RAPGEF5: variants seen among roughly 807,000 people sequenced by gnomAD.
RAPGEF5 encodes M-Ras-regulated GEF.
Under a neutral mutation model 125.2 loss-of-function variants are expected in RAPGEF5, and 65 were observed. The observed-to-expected ratio is 0.52, with a 90% confidence interval of 0.43 to 0.64. RAPGEF5 has a LOEUF of 0.64. RAPGEF5 is among the 30% of genes least tolerant of loss of function. RAPGEF5 has a pLI of 0.00. For synonymous variants in RAPGEF5, 391 were observed against 385.9 expected (o/e 1.01, Z -0.16); for missense variants, 958 against 1,048.1 (o/e 0.91, Z 1.19).
intron 1 of RAPGEF5, chr7:22,356,409 A>C: frequency 4.8e-6 from 1 of 206,486 alleles, no homozygotes. Context: ...GCACCTCCAA[A>C]ACAAGCACAC....
At chr7:22,167,176 G>A (rs1229972287) in intron 11 of RAPGEF5, 28 bp from the exon 12 acceptor site, 3 of 1,561,314 alleles carry the variant, frequency 1.9e-6, no homozygotes, top group East Asian at 4.5e-5. Context: ...ACAAACACAA[G>A]GTAAGCAAAG....
chr7:22,180,714 A>C (rs1403366368), intron 11 of RAPGEF5, among the ~76,000 whole-genome samples: 1 of 152,152 alleles, frequency 6.6e-6, no homozygotes, highest in South Asian at 2.1e-4. Context: ...CTGCAATATG[A>C]TATGGTTCTC....
chr7:22,145,350 G>T, intron 19 of RAPGEF5, 128 bp from the exon 20 acceptor site: 2 of 843,710 alleles, frequency 2.4e-6, no homozygotes, highest in Non-Finnish European at 3.5e-6. Context: ...CAGAGAACAT[G>T]GTGAATAGTA....
chr7:22,212,121 C>T lies in RAPGEF5; in HGVS notation c.996+7745G>A, dbSNP rs1357848811. Among the ~76,000 whole-genome samples, 4 of 152,146 alleles carry T rather than the reference C, an allele frequency of 2.6e-5. No individual in the cohort carries two copies. The East Asian group carries it at 7.7e-4, about 29-fold the overall frequency. On this transcript the variant is annotated intron_variant, in intron 9 of 25. Coordinates refer to ENST00000665637, the MANE Select transcript of RAPGEF5 (RefSeq NM_012294.5). ...CCCGAGTAGCTGGGACTATAGGCAC[C>T]CGCCAGCATGCCTGGCTAATTTTTT...
chr7:22,219,922 T>C lies in RAPGEF5; in HGVS notation c.940A>G (p.Lys314Glu). ...GTCTGCAAAAACTGATAGTTTTCTTTTGCCAGCTTCTGGACTAGTTCAATT... is the reference window on the plus strand; with the variant it reads ...GTCTGCAAAAACTGATAGTTTTCTTCTGCCAGCTTCTGGACTAGTTCAATT... The part of the protein sequence containing the change: ...GRIELVQKLA[K>E]ENYQFLQTDK... Residue 314 changes from lysine to glutamate, a missense_variant, in exon 9 of 26, where the codon AAA becomes GAA. Lys to Glu is a moderately conservative substitution (Grantham distance 56, BLOSUM62 1). Transcript: ENST00000665637. 1 of 1,613,602 alleles carries C rather than the reference T, an allele frequency of 6.2e-7. No individual in the cohort carries two copies. The highest frequency in any genetic ancestry group is 1.1e-5 in the South Asian group (1 of 91,042).
chr7:22,125,458 A>T, intron 25 of RAPGEF5, 146 bp downstream of exon 25: 1 of 681,526 alleles, frequency 1.5e-6, no homozygotes, highest in Non-Finnish European at 2.5e-6. Context: ...ACAAAGAGAC[A>T]ATCTACTATA....
At position 22,309,955 on chromosome 7, in the gene RAPGEF5, G is replaced by A. The variant is rs760008027; in HGVS notation, c.511+14C>T. ...TAAAATAATGATGCTGTGCCTTCAA[G>A]ACATAATACTAACCTGATAACATAA... is the stretch of plus-strand genomic sequence containing the variant. On this transcript the variant is annotated intron_variant, in intron 4 of 25. Transcript: ENST00000665637. 6.4e-7 allele frequency: 1 copy of A among 1,558,906 alleles called. No homozygotes were observed. Among genetic ancestry groups the A allele is most frequent in the Non-Finnish European group, 8.6e-7 (1 of 1,161,634 alleles).
intron 1 of RAPGEF5, among the ~76,000 whole-genome samples, chr7:22,336,078 A>G (rs1784022415): frequency 1.3e-5 from 2 of 152,118 alleles, no homozygotes; most frequent in Admixed American, 6.5e-5. Flanking sequence ...TCTTATTCCC[A>G]ATGCCTCCAT....
chr7:22,309,290 G>A (rs1312829432), intron 4 of RAPGEF5, among the ~76,000 whole-genome samples: 5 of 152,070 alleles, frequency 3.3e-5, no homozygotes, highest in South Asian at 2.1e-4. Flanking sequence ...TTACACCCAC[G>A]TCCATATCTG....
At chr7:22,176,845 C>T (rs544968034) in intron 11 of RAPGEF5, among the ~76,000 whole-genome samples, 36 of 152,220 alleles carry the variant, frequency 2.4e-4, no homozygotes, top group African/African-American at 7.7e-4. Flanking sequence ...GAGGTTCTTT[C>T]GAAATAATCT....
intron 1 of RAPGEF5, among the ~76,000 whole-genome samples, chr7:22,330,912 G>T (rs1187698213): frequency 6.6e-6 from 1 of 152,172 alleles, no homozygotes; most frequent in Non-Finnish European, 1.5e-5. Context: ...TCACTCTGGG[G>T]TATGTAAACC....
At chr7:22,232,444 C>T (rs1372990948) in intron 7 of RAPGEF5, among the ~76,000 whole-genome samples, 1 of 151,864 alleles carries the variant, frequency 6.6e-6, no homozygotes, top group Non-Finnish European at 1.5e-5. Flanking sequence ...CTTAGCCTCC[C>T]GAGTGGCTGG....
chr7:22,286,657 T>C (rs1782804769), intron 6 of RAPGEF5, among the ~76,000 whole-genome samples: 1 of 152,232 alleles, frequency 6.6e-6, no homozygotes, highest in South Asian at 2.1e-4. Flanking sequence ...CTTCAAAGTT[T>C]AGCTGATTTC....
intron 20 of RAPGEF5, among the ~76,000 whole-genome samples, chr7:22,140,622 A>C (rs922108909): frequency 2.6e-5 from 4 of 152,220 alleles, no homozygotes; most frequent in Admixed American, 2.6e-4. Flanking sequence ...TAAATACGGC[A>C]TATATTAATG....
rs77613194 is a variant in RAPGEF5, at chr7:22,228,087, G to A, written c.870+2759C>T. Among the ~76,000 whole-genome samples the A allele has an allele frequency of 4.5e-3, 686 of 152,276 alleles. 4 individuals carry two copies. The highest frequency in any genetic ancestry group is 7.5e-3 in the Non-Finnish European group (513 of 68,016). On this transcript the variant is annotated intron_variant, in intron 8 of 25. Coordinates refer to ENST00000665637, the MANE Select transcript of RAPGEF5 (RefSeq NM_012294.5). ...AAAAGCAATGAGATAGATGGTCAGCGTGACAATAACTGACAGAGGCTGATT... is the reference window on the plus strand; with the variant it reads ...AAAAGCAATGAGATAGATGGTCAGCATGACAATAACTGACAGAGGCTGATT...
At chr7:22,274,002 T>C (rs1465939670) in intron 6 of RAPGEF5, among the ~76,000 whole-genome samples, 1 of 152,158 alleles carries the variant, frequency 6.6e-6, no homozygotes, top group Non-Finnish European at 1.5e-5. Context: ...CCTTGTCATC[T>C]CTGCACAACT....
intron 9 of RAPGEF5, among the ~76,000 whole-genome samples, chr7:22,200,123 C>T (rs907854645): frequency 6.6e-6 from 1 of 151,968 alleles, no homozygotes; most frequent in African/African-American, 2.4e-5. Flanking sequence ...TCACATAAAG[C>T]CTAGCTGACC....
At chr7:22,253,303 C>T (rs544793155) in intron 7 of RAPGEF5, among the ~76,000 whole-genome samples, 28 of 152,276 alleles carry the variant, frequency 1.8e-4, no homozygotes, top group Middle Eastern at 3.4e-3. Context: ...ACACATTCAG[C>T]GGGGTTATCA....
intron 1 of RAPGEF5, among the ~76,000 whole-genome samples, chr7:22,332,187 A>G (rs1449584074): frequency 6.6e-6 from 1 of 152,236 alleles, no homozygotes; most frequent in Admixed American, 6.5e-5. Context: ...TAATCTCCAA[A>G]GTTAACTAAA....
Sources: allele counts gnomAD v4.1 joint callset (sites outside exome capture counted in the v4.1 genomes callset), GRCh38; gene constraint gnomAD v4.1.1; transcripts MANE v1.5; gene names NCBI Gene and HGNC (gene_info 2026-07-23, HGNC 2026-07-21).